Variants in CAPN15 observed in about 807,000 individuals in gnomAD.
CAPN15 encodes the protein calpain-15.
A neutral mutation model predicts 97.9 loss-of-function variants in CAPN15; 53 were observed. That is an observed-to-expected ratio of 0.54 (90% CI 0.43 to 0.68). CAPN15 has a LOEUF of 0.68. Ranked by LOEUF, CAPN15 falls within the 30% of genes least tolerant of loss-of-function variation. CAPN15 has a pLI of 0.00. For synonymous variants in CAPN15, 922 were observed against 722.5 expected, an observed-to-expected ratio of 1.28 and a Z score of -4.43; for missense variants, 1,592 against 1,589.8, an observed-to-expected ratio of 1.00 and a Z score of -0.02.
intron 3 of CAPN15, among the ~76,000 whole-genome samples, chr16:545,570 T>G (rs1250982515): frequency 6.6e-6 from 1 of 152,242 alleles, no homozygotes; most frequent in East Asian, 1.9e-4. Flanking sequence ...CCACCTGGGT[T>G]TTGCCAGGAT....
At chr16:534,233 G>GGCGAC (rs1567134555) in intron 2 of CAPN15, among the ~76,000 whole-genome samples, 3 of 146,730 alleles carry the variant, frequency 2.0e-5, no homozygotes, top group Admixed American at 6.6e-5. Context: ...GGTCCCGACA[G>GGCGAC]GGGTGTTTGT....
chr16:552,560 C>T lies in CAPN15; in HGVS notation c.2737+30C>T. On this transcript the variant is annotated intron_variant, in intron 11 of 13. Coordinates refer to ENST00000219611, the MANE Select transcript of CAPN15 (RefSeq NM_005632.3). This position sits in a 1 kb window ranked among gnomAD's most constrained non-coding sequence, Gnocchi z 6.4. ...GTGGCCCCTACCCCAGGCTCATGCC[C>T]CAGGCCCACGGGGAGGGCTGCGGTT... The T allele has an allele frequency of 4.4e-6, 7 of 1,573,282 alleles. No homozygotes were observed. The highest frequency in any genetic ancestry group is 2.3e-5 in the South Asian group (2 of 88,420).
At chr16:542,781 C>T (rs1025685127) in intron 3 of CAPN15, among the ~76,000 whole-genome samples, 5 of 152,092 alleles carry the variant, frequency 3.3e-5, no homozygotes, top group Non-Finnish European at 7.3e-5. Context: ...TGGCCAGGCG[C>T]AGTAGCTCAC....
At chr16:550,604 C>T (rs1378036651) in intron 7 of CAPN15, among the ~76,000 whole-genome samples, 1 of 150,894 alleles carries the variant, frequency 6.6e-6, no homozygotes, top group Non-Finnish European at 1.5e-5. Flanking sequence ...GGGCCCCACT[C>T]AGCCATGCCC....
intron 1 of CAPN15, among the ~76,000 whole-genome samples, chr16:533,216 A>G (rs1165710552): frequency 6.6e-6 from 1 of 152,168 alleles, no homozygotes. Context: ...GCGAGGCTCT[A>G]TCTCAAAAAA....
intron 3 of CAPN15, chr16:537,367 T>G: frequency 2.0e-6 from 2 of 985,578 alleles, no homozygotes; most frequent in Non-Finnish European, 2.4e-6. Context: ...AAGGCATCAG[T>G]GAGGAGCAGG....
At chr16:550,776 G>GGC (rs1391983083) in intron 7 of CAPN15, among the ~76,000 whole-genome samples, 1 of 114,592 alleles carries the variant, frequency 8.7e-6, no homozygotes, top group Non-Finnish European at 1.8e-5. Flanking sequence ...TGCCGGTGAG[G>GGC]GTCCCGGTCG....
Position 536,103 on chromosome 16 carries a change from GT to G in CAPN15, c.-61del. 1 of 983,680 alleles carries G rather than the reference GT, an allele frequency of 1.0e-6. No individual in the cohort carries two copies. Among genetic ancestry groups the G allele is most frequent in the Non-Finnish European group, 1.2e-6 (1 of 829,572 alleles). 60.9% of individuals were successfully genotyped at this position (983,680 alleles called of 1,614,324 possible). On this transcript the variant is annotated 5_prime_UTR_variant, in exon 3 of 14. Transcript: ENST00000219611. Reference sequence around the variant, plus strand: ...GGCCACTGCACTGGGTGATTCACGTGTGCCCAGGCCCTGAGGTGGGCCGGAC... The same window carrying G: ...GGCCACTGCACTGGGTGATTCACGTGGCCCAGGCCCTGAGGTGGGCCGGAC...
Position 548,079 on chromosome 16 carries a change from G to A in CAPN15, c.1241G>A (p.Gly414Asp). The A allele has an allele frequency of 1.3e-6, 2 of 1,539,246 alleles. No homozygotes were observed. Among genetic ancestry groups the A allele is most frequent in the Non-Finnish European group, 1.7e-6 (2 of 1,143,040 alleles). The change falls in exon 4 of 14, where the codon GGC becomes GAC. Residue 414 changes from glycine (G) to aspartate (D), a missense_variant. This residue lies in a region of CAPN15 where 883 missense variants were observed against 776.6 expected (regional missense o/e 1.14). Transcript: ENST00000219611. ...GCCCGCGTCCTGCCCGAGCGCCCGG[G>A]CCAGTGGGCCTGCCCTGCCTGTACC... ...KAARVLPERP[G>D]QWACPACTLL... is the part of the protein sequence containing the mutation.
intron 3 of CAPN15, 52 bp from the exon 4 acceptor site, chr16:546,765 C>G: frequency 2.0e-6 from 3 of 1,508,992 alleles, no homozygotes; most frequent in Non-Finnish European, 2.7e-6. Context: ...AGGGTGGGGT[C>G]CAGCCACTCA....
chr16:552,224 G>A lies in CAPN15; in HGVS notation c.2507+12G>A, dbSNP rs372741972. 4.9e-5 allele frequency: 75 copies of A among 1,532,260 alleles called. No individual in the cohort carries two copies. The South Asian group carries it at 5.6e-4, about 12-fold the overall frequency. 94.9% of individuals were successfully genotyped at this position (1,532,260 alleles called of 1,614,324 possible). A position where few individuals can be genotyped will look rare whatever the true frequency, so the allele number is the denominator to read the frequency against. ...CAGGAGGGCAGCAGGTGGGTGCTGC[G>A]GGGCCCCATCGGGCTGGGCTGGGCT... On this transcript the variant is annotated intron_variant, in intron 10 of 13. Transcript: ENST00000219611. The surrounding 1 kb of genome is among the most constrained non-coding windows in gnomAD (Gnocchi z 6.4).
In CAPN15 at chr16:553,044, G is replaced by A. The variant is rs1290648381; in HGVS notation, c.3083+3G>A. The A allele has an allele frequency of 6.9e-7, 1 of 1,452,790 alleles. No individual in the cohort carries two copies. The highest frequency in any genetic ancestry group is 2.0e-5 in the Admixed American group (1 of 50,466). The allele number at this position is 1,452,790 out of a possible 1,614,324, so 90.0% of individuals were successfully genotyped here. The stretch of plus-strand genomic sequence containing the variant: ...GATAGCGTGCCACCCCTGCACAGGT[G>A]CGCCCCCGCCCCTGCCCCCCCACCC... On this transcript the variant is annotated splice_donor_region_variant and intron_variant, in intron 13 of 13. Coordinates refer to ENST00000219611, the MANE Select transcript of CAPN15 (RefSeq NM_005632.3).
rs759184846 is a variant in CAPN15, at chr16:547,448, C to A, written c.610C>A (p.Leu204Ile). ...CGTGCCTGCCGCGCCTCCACCTGGCCTCCCCGGGGAAGGTGCCGAGGCCAA... is the reference window on the plus strand; with the variant it reads ...CGTGCCTGCCGCGCCTCCACCTGGCATCCCCGGGGAAGGTGCCGAGGCCAA... ...HVVPAAPPPG[L>I]PGEGAEANPP... The change falls in exon 4 of 14, where the codon CTC (leucine) becomes ATC (isoleucine). Residue 204 changes from leucine to isoleucine, a missense_variant. Leu to Ile is a conservative substitution (Grantham distance 5). Transcript: ENST00000219611. The A allele has an allele frequency of 2.5e-6, 4 of 1,589,538 alleles. No individual in the cohort carries two copies. The South Asian group carries it at 4.5e-5, about 18-fold the overall frequency.
At position 551,360 on chromosome 16, in the gene CAPN15, G is replaced by A. The variant is rs1461109412; in HGVS notation, c.2125G>A (p.Glu709Lys). The A allele has an allele frequency of 5.0e-6, 8 of 1,609,764 alleles. No homozygotes were observed. The highest frequency in any genetic ancestry group is 6.8e-6 in the Non-Finnish European group (8 of 1,178,786). ...CATGAAGGTGGACGATTCGGCCTAC[G>A]AGAGCCTGGGCCTGCGCCCCCGGCA... Reference protein sequence around the residue: ...GNMKVDDSAYESLGLRPRHAY... With the variant: ...GNMKVDDSAYKSLGLRPRHAY... The change falls in exon 8 of 14, where the codon GAG (glutamate) becomes AAG (lysine). Residue 709 changes from glutamate to lysine, a missense_variant. Coordinates refer to ENST00000219611, the MANE Select transcript of CAPN15 (RefSeq NM_005632.3).
intron 3 of CAPN15, chr16:539,639 G>C (rs1305605916): frequency 6.6e-6 from 1 of 152,322 alleles, no homozygotes; most frequent in African/African-American, 2.4e-5. Flanking sequence ...ACAAGGCATG[G>C]TCGGGCTCCC....
rs1567151755 is a variant in CAPN15 at position 547,860 on chromosome 16, TCAC to T, written c.1027_1029del (p.Thr343del). On this transcript the variant is annotated inframe_deletion, in exon 4 of 14. Transcript: ENST00000219611. ...CCCGCCAGCCCCTCCAGCCCCGACT[TCAC>T]CACCTGGTCATGTGCCAAGTGCACG... The T allele has an allele frequency of 6.2e-7, 1 of 1,611,560 alleles. No individual in the cohort carries two copies. The highest frequency in any genetic ancestry group is 8.5e-7 in the Non-Finnish European group (1 of 1,179,444).
At position 552,186 on chromosome 16, in the gene CAPN15, G is replaced by A. The variant is rs767304280; in HGVS notation, c.2481G>A (p.Glu827=). ...ALTVLERASL[E]FALFQEGSRR... is the part of the protein sequence containing the mutation. ...CGGTGCTGGAGCGGGCCTCGCTGGA[G>A]TTCGCGCTCTTCCAGGAGGGCAGCA... Residue 827 remains glutamate, a synonymous_variant, in exon 10 of 14, where the codon GAG becomes GAA. Coordinates refer to ENST00000219611, the MANE Select transcript of CAPN15 (RefSeq NM_005632.3). This position sits in a 1 kb window ranked among gnomAD's most constrained non-coding sequence, Gnocchi z 6.4. The A allele has an allele frequency of 4.6e-6, 7 of 1,537,172 alleles. No homozygotes were observed. The African/African-American group carries it at 9.6e-5, about 21-fold the overall frequency.
chr16:542,179 G>A (rs530263624), intron 3 of CAPN15, among the ~76,000 whole-genome samples: 2 of 152,374 alleles, frequency 1.3e-5, no homozygotes, highest in Admixed American at 1.3e-4. Flanking sequence ...GGGATGAACC[G>A]CATTTTATCT....
At chr16:549,578 G>A in intron 6 of CAPN15, 37 bp from the exon 7 acceptor site, 1 of 1,505,432 alleles carries the variant, frequency 6.6e-7, no homozygotes, top group Non-Finnish European at 8.9e-7. Context: ...TAGTGTGGGG[G>A]GCGGGCGGGG....
Sources: allele counts gnomAD v4.1 joint callset (sites outside exome capture counted in the v4.1 genomes callset), GRCh38; gene constraint gnomAD v4.1.1; regional missense constraint gnomAD v4.1.1; non-coding constraint Gnocchi (gnomAD v3.1); transcripts MANE v1.5; gene names NCBI Gene and HGNC (gene_info 2026-07-23, HGNC 2026-07-21).